Variants in HSP90AB1 observed in about 807,000 individuals in gnomAD.
HSP90AB1 encodes heat shock protein HSP 90-beta.
Under a neutral mutation model 67.8 loss-of-function variants are expected in HSP90AB1, and 17 were observed. That is an observed-to-expected ratio of 0.25 (90% CI 0.17 to 0.38). The LOEUF (loss-of-function observed/expected upper bound fraction) is 0.38, where lower values mean the gene tolerates loss of function less well. HSP90AB1 is among the 10% of genes least tolerant of loss of function. The probability of loss-of-function intolerance (pLI) is 1.00; values close to 1 mark genes in which losing one functional copy is unlikely to be tolerated. For synonymous variants in HSP90AB1, 390 were observed against 312.9 expected (o/e 1.25, Z -2.60); for missense variants, 690 against 899.9 (o/e 0.77, Z 2.98).
chr6:44,252,268 G>A lies in HSP90AB1; in HGVS notation c.1731+1G>A. 6.2e-7 allele frequency: 1 copy of A among 1,612,898 alleles called. No homozygotes were observed. Among genetic ancestry groups the A allele is most frequent in the Non-Finnish European group, 8.5e-7 (1 of 1,179,776 alleles). ...AATCTTAGATAAGAAGGTTGAGAAGGTAAGCCATTCTGGGGCTAGGATATA... is the reference window on the plus strand; with the variant it reads ...AATCTTAGATAAGAAGGTTGAGAAGATAAGCCATTCTGGGGCTAGGATATA... On this transcript the variant is annotated splice_donor_variant, in intron 10 of 11. Transcript: ENST00000371646. LOFTEE classifies it high-confidence loss of function.
At chr6:44,249,997 C>T (rs368011678) in intron 4 of HSP90AB1, 24 bp from the exon 5 acceptor site, 4 of 1,613,484 alleles carry the variant, frequency 2.5e-6, no homozygotes, top group Admixed American at 1.7e-5. Flanking sequence ...TACCCTGTTA[C>T]ACGCTTGTAA....
chr6:44,250,243 C>T (rs757485857), intron 5 of HSP90AB1, 48 bp from the exon 6 acceptor site: 1 of 1,610,510 alleles, frequency 6.2e-7, no homozygotes, highest in South Asian at 1.1e-5. Context: ...TTTGCTTTCC[C>T]TGGTAGTGTT....
Position 44,253,045 on chromosome 6 carries a change from G to A in HSP90AB1, c.1732G>A (p.Val578Met). ...CTAAGGCTTTTGTGATCGTCCACAG[G>A]TGACAATCTCCAATAGACTTGTGTC... ...KEILDKKVEKVTISNRLVSSP... is the reference protein window; with the variant it reads ...KEILDKKVEKMTISNRLVSSP... The change falls in exon 11 of 12, where the codon GTG becomes ATG. Residue 578 changes from valine (V) to methionine (M), a missense_variant and splice_region_variant. Around this residue, in one of 7 missense-constraint regions of HSP90AB1, gnomAD observed 206 missense variants for 221.4 expected, o/e 0.93. Transcript: ENST00000371646. The A allele has an allele frequency of 6.2e-7, 1 of 1,612,610 alleles. No homozygotes were observed. The highest frequency in any genetic ancestry group is 8.5e-7 in the Non-Finnish European group (1 of 1,178,678).
In HSP90AB1 at chr6:44,253,084, A is replaced by G. The variant is rs765912133; in HGVS notation, c.1771A>G (p.Ile591Val). 1.9e-6 allele frequency: 3 copies of G among 1,614,068 alleles called. No individual in the cohort carries two copies. In the South Asian group the frequency reaches 3.3e-5, roughly 18 times the overall value. The stretch of plus-strand genomic sequence containing the variant: ...TAGACTTGTGTCTTCACCTTGCTGC[A>G]TTGTGACCAGCACCTACGGCTGGAC... ...SNRLVSSPCC[I>V]VTSTYGWTAN... The change falls in exon 11 of 12, where the codon ATT (isoleucine) becomes GTT (valine). Residue 591 changes from isoleucine to valine, a missense_variant. By Grantham distance (29) the Ile-to-Val change is conservative. Transcript: ENST00000371646.
chr6:44,248,622 T>A lies in HSP90AB1; in HGVS notation c.1-8T>A. ...GTTCTTTTGTAATTAATGAGATTTT[T>A]ATTTTAGATGCCTGAGGAAGTGCAC... On this transcript the variant is annotated splice_polypyrimidine_tract_variant and splice_region_variant and intron_variant, in intron 1 of 11. Coordinates refer to ENST00000371646, the MANE Select transcript of HSP90AB1 (RefSeq NM_007355.4). The A allele has an allele frequency of 6.3e-7, 1 of 1,596,342 alleles. No homozygotes were observed. The highest frequency in any genetic ancestry group is 8.5e-7 in the Non-Finnish European group (1 of 1,175,154).
chr6:44,250,896 G>A (rs1039209188), intron 6 of HSP90AB1, 152 bp from the exon 7 acceptor site: 9 of 704,744 alleles, frequency 1.3e-5, no homozygotes, highest in Non-Finnish European at 2.2e-5. Flanking sequence ...GATCGTGGAG[G>A]GCATTAAGGC....
rs750624640 is a variant in HSP90AB1, at chr6:44,250,452, G to C, written c.810G>C (p.Lys270Asn). 8.1e-6 allele frequency: 13 copies of C among 1,613,766 alleles called. No homozygotes were observed. Among genetic ancestry groups the C allele is most frequent in the African/African-American group, 1.3e-5 (1 of 74,902 alleles). ...GTAAGGATAAGAAGAAGAAAACTAAGAAGATCAAAGAGAAATACATTGATC... is the reference window on the plus strand; with the variant it reads ...GTAAGGATAAGAAGAAGAAAACTAACAAGATCAAAGAGAAATACATTGATC... ...DSGKDKKKKT[K>N]KIKEKYIDQE... Residue 270 changes from lysine to asparagine, a missense_variant, in exon 6 of 12, where the codon AAG becomes AAC. Physicochemically the swap from Lys to Asn is moderately conservative, Grantham distance 94 (BLOSUM62 0). This residue lies in a region of HSP90AB1 where 146 missense variants were observed against 143.7 expected (regional missense o/e 1.02). Coordinates refer to ENST00000371646, the MANE Select transcript of HSP90AB1 (RefSeq NM_007355.4).
In HSP90AB1 at chr6:44,248,734, CA is replaced by C; in HGVS notation, c.107del (p.Lys36ArgfsTer8). The part of the protein sequence containing the change: ...SLIINTFYSN[K>X]EIFLRELISN... ...TCATCATCAATACCTTCTATTCCAA[CA>C]AGGAGATTTTCCTTCGGGAGTTGAT... On this transcript the variant is annotated frameshift_variant, in exon 2 of 12. Transcript: ENST00000371646. LOFTEE classifies it high-confidence loss of function. 1 of 1,613,920 alleles carries C rather than the reference CA, an allele frequency of 6.2e-7. No individual in the cohort carries two copies. The highest frequency in any genetic ancestry group is 8.5e-7 in the Non-Finnish European group (1 of 1,179,814).
intron 9 of HSP90AB1, 24 bp from the exon 10 acceptor site, chr6:44,251,975 T>C (rs778702482): frequency 6.2e-7 from 1 of 1,613,882 alleles, no homozygotes; most frequent in Non-Finnish European, 8.5e-7. Context: ...TTTTAGTCAC[T>C]GAGTTCATTT....
At chr6:44,249,970 C>A in intron 4 of HSP90AB1, 51 bp from the exon 5 acceptor site, 1 of 1,608,084 alleles carries the variant, frequency 6.2e-7, no homozygotes, top group East Asian at 2.2e-5. Context: ...TTGCTGGTCT[C>A]AACTGCATAT....
At chr6:44,248,224 C>A in intron 1 of HSP90AB1, 1 of 165,628 alleles carries the variant, frequency 6.0e-6, no homozygotes, top group Non-Finnish European at 1.3e-5. Flanking sequence ...TCACTTTGAT[C>A]TCCCCCAAAT....
In HSP90AB1 at chr6:44,253,694, C is replaced by T. The variant is rs1188316316; in HGVS notation, c.*96C>T. ...GTGCCCCTGTCCCACCTGGCTCCCC[C>T]TGCTGGTGTCTAGTGTTTTTTTCCC... On this transcript the variant is annotated 3_prime_UTR_variant, in exon 12 of 12. Coordinates refer to ENST00000371646, the MANE Select transcript of HSP90AB1 (RefSeq NM_007355.4). The T allele has an allele frequency of 1.1e-6, 1 of 884,166 alleles. No homozygotes were observed. The highest frequency in any genetic ancestry group is 1.6e-5 in the African/African-American group (1 of 61,006). 54.8% of individuals were successfully genotyped at this position (884,166 alleles called of 1,614,324 possible).
chr6:44,246,935 T>G (rs1033888625), upstream of HSP90AB1, among the ~76,000 whole-genome samples: 5 of 152,162 alleles, frequency 3.3e-5, no homozygotes, highest in African/African-American at 9.7e-5. Context: ...ATCCGTTGCT[T>G]GGGTTCTTCC....
At chr6:44,251,323 G>T (rs1780616625) in intron 7 of HSP90AB1, 95 bp from the exon 8 acceptor site, 3 of 1,516,342 alleles carry the variant, frequency 2.0e-6, no homozygotes, top group Admixed American at 1.7e-5. Context: ...TAGGTGTAAG[G>T]GTTCAGGAGG....
intron 10 of HSP90AB1, 56 bp from the exon 11 acceptor site, chr6:44,252,989 C>T (rs1043874096): frequency 5.5e-6 from 8 of 1,444,388 alleles, no homozygotes; most frequent in Non-Finnish European, 5.8e-6. Flanking sequence ...TTGACAATGC[C>T]TGTTTTCTCT....
rs770493012 is a variant in HSP90AB1 at position 44,251,719 on chromosome 6, C to T, written c.1315-18C>T. The stretch of plus-strand genomic sequence containing the variant: ...TTGTAGTTAAGCTGGATTGTTTTTC[C>T]TCTTCCCACCCTTCAAGCTTGGAAT... On this transcript the variant is annotated intron_variant, in intron 8 of 11. Coordinates refer to ENST00000371646, the MANE Select transcript of HSP90AB1 (RefSeq NM_007355.4). 3 of 1,607,376 alleles carry T rather than the reference C, an allele frequency of 1.9e-6. No individual in the cohort carries two copies. The highest frequency in any genetic ancestry group is 2.2e-5 in the South Asian group (2 of 90,090).
At chr6:44,252,527 G>A (rs1014567454) in intron 10 of HSP90AB1, among the ~76,000 whole-genome samples, 5 of 151,322 alleles carry the variant, frequency 3.3e-5, no homozygotes, top group African/African-American at 7.3e-5. Flanking sequence ...ATGGGGTCTC[G>A]CTCTGTCACC....
chr6:44,247,898 T>TGCG (rs1449486932), intron 1 of HSP90AB1: 1 of 152,212 alleles, frequency 6.6e-6, no homozygotes. Context: ...GAGGGTGCAC[T>TGCG]GCGGCGCCCC....
chr6:44,248,167 C>T (rs977077307), intron 1 of HSP90AB1: 4 of 157,616 alleles, frequency 2.5e-5, no homozygotes, highest in Admixed American at 2.5e-4. Context: ...GAACTGACAC[C>T]TCAGGGGGAG....
Sources: allele counts gnomAD v4.1 joint callset (sites outside exome capture counted in the v4.1 genomes callset), GRCh38; gene constraint gnomAD v4.1.1; regional missense constraint gnomAD v4.1.1; transcripts MANE v1.5; gene names NCBI Gene and HGNC (gene_info 2026-07-23, HGNC 2026-07-21).